Variants in LHFPL3 observed in about 807,000 individuals in gnomAD.
The protein encoded by LHFPL3 is LHFPL tetraspan subfamily member 3, also known as LHFPL tetraspan subfamily member 3 protein.
In LHFPL3, 5 loss-of-function variants were observed where a neutral mutation model predicts 19.3. The ratio of observed to expected loss-of-function variants is 0.26; its 90% CI spans 0.14 to 0.54. The LOEUF (loss-of-function observed/expected upper bound fraction) is 0.54. Among genes scored for constraint, LHFPL3 ranks in the 20% least tolerant of loss-of-function variants. The pLI is 0.94. For synonymous variants in LHFPL3, 133 were observed against 126.2 expected, an observed-to-expected ratio of 1.05 and a Z score of -0.36; for missense variants, 249 against 307.4, an observed-to-expected ratio of 0.81 and a Z score of 1.42.
intron 2 of LHFPL3, among the ~76,000 whole-genome samples, chr7:104,833,264 A>C (rs1429721963): frequency 2.7e-5 from 2 of 75,318 alleles, no homozygotes; most frequent in African/African-American, 5.8e-5. Context: ...CAGAACTAAT[A>C]GGATATATAT....
chr7:104,726,460 G>C (rs544361753), intron 1 of LHFPL3, among the ~76,000 whole-genome samples: 17 of 152,140 alleles, frequency 1.1e-4, no homozygotes, highest in Non-Finnish European at 1.9e-4. Flanking sequence ...GCATGCATGA[G>C]CTATTTTTCC....
chr7:104,346,221 A>G (rs1265661364), intron 1 of LHFPL3, among the ~76,000 whole-genome samples: 1 of 151,610 alleles, frequency 6.6e-6, no homozygotes, highest in Non-Finnish European at 1.5e-5. Context: ...TTTTTAGTAG[A>G]GATGGGGTTT....
At chr7:104,885,182 G>T (rs1256357993) in intron 2 of LHFPL3, among the ~76,000 whole-genome samples, 1 of 152,178 alleles carries the variant, frequency 6.6e-6, no homozygotes. Flanking sequence ...ATATGAAGCT[G>T]CCCAGTTCAT....
intron 2 of LHFPL3, among the ~76,000 whole-genome samples, chr7:104,821,235 G>A (rs191281443): frequency 6.6e-6 from 1 of 152,198 alleles, no homozygotes; most frequent in Non-Finnish European, 1.5e-5. Flanking sequence ...GCGAGGACAT[G>A]GGTGGGCTGC....
At chr7:104,499,401 T>A (rs1793553631) in intron 1 of LHFPL3, among the ~76,000 whole-genome samples, 1 of 152,254 alleles carries the variant, frequency 6.6e-6, no homozygotes, top group South Asian at 2.1e-4. Flanking sequence ...TACATTTTTG[T>A]TAGCATTTGC....
chr7:104,905,036 A>T (rs1321273236), intron 2 of LHFPL3, among the ~76,000 whole-genome samples: 3 of 151,938 alleles, frequency 2.0e-5, no homozygotes, highest in African/African-American at 7.3e-5. Flanking sequence ...GCTCACCACA[A>T]CCTCGACCTC....
intron 1 of LHFPL3, among the ~76,000 whole-genome samples, chr7:104,571,655 T>C (rs904713452): frequency 6.6e-6 from 1 of 152,238 alleles, no homozygotes; most frequent in African/African-American, 2.4e-5. Flanking sequence ...TTCCCTGTTA[T>C]GTTCACTGAT....
Position 104,516,428 on chromosome 7 carries a change from CT to C in LHFPL3, c.445+187206del, listed in dbSNP as rs560300365. 1.2e-3 allele frequency among the ~76,000 whole-genome samples: 177 copies of C among 152,148 alleles called. 1 individual carries two copies. Among genetic ancestry groups the C allele is most frequent in the African/African-American group, 4.0e-3 (166 of 41,526 alleles). Reference sequence around the variant, plus strand: ...TCAACAAATTTCCATTTTTTAAGATCTTCTAAAGGAGAGCACAAATCATTAA... The same window carrying C: ...TCAACAAATTTCCATTTTTTAAGATCTCTAAAGGAGAGCACAAATCATTAA... On this transcript the variant is annotated intron_variant, in intron 1 of 2. Coordinates refer to ENST00000424859, the MANE Select transcript of LHFPL3 (RefSeq NM_199000.3).
At chr7:104,340,302 G>A (rs1789921599) in intron 1 of LHFPL3, among the ~76,000 whole-genome samples, 1 of 151,984 alleles carries the variant, frequency 6.6e-6, no homozygotes, top group Admixed American at 6.6e-5. Context: ...AACCATCAAG[G>A]ATAGAGTGAA....
intron 2 of LHFPL3, among the ~76,000 whole-genome samples, chr7:104,808,049 C>T (rs920456537): frequency 3.9e-5 from 6 of 152,188 alleles, no homozygotes; most frequent in East Asian, 1.9e-4. Flanking sequence ...TGGCATGATA[C>T]GTTCACATTA....
At chr7:104,483,156 A>G (rs1793168855) in intron 1 of LHFPL3, among the ~76,000 whole-genome samples, 1 of 152,232 alleles carries the variant, frequency 6.6e-6, no homozygotes. Context: ...TGGAAGTTCT[A>G]GGATCATTCC....
chr7:104,572,253 T>C (rs996003993), intron 1 of LHFPL3, among the ~76,000 whole-genome samples: 1 of 151,686 alleles, frequency 6.6e-6, no homozygotes, highest in Non-Finnish European at 1.5e-5. Flanking sequence ...ACCAACCTAA[T>C]ATATTTTGTT....
intron 1 of LHFPL3, among the ~76,000 whole-genome samples, chr7:104,349,686 C>T (rs774413845): frequency 2.9e-4 from 44 of 152,252 alleles, no homozygotes; most frequent in Non-Finnish European, 5.6e-4. Flanking sequence ...CAAACCTGCA[C>T]GTTCTGCACA....
At chr7:104,771,732 A>G (rs532626323) in intron 2 of LHFPL3, among the ~76,000 whole-genome samples, 6 of 151,434 alleles carry the variant, frequency 4.0e-5, no homozygotes, top group Admixed American at 6.7e-5. Flanking sequence ...CAGTGAAAAT[A>G]AGAGACTGTA....
At chr7:104,747,572 T>G (rs146180313) in intron 2 of LHFPL3, among the ~76,000 whole-genome samples, 39 of 152,322 alleles carry the variant, frequency 2.6e-4, no homozygotes, top group African/African-American at 8.9e-4. Flanking sequence ...AAAAGCCAAG[T>G]GTCAAGCAAA....
At chr7:104,687,118 C>T (rs1354733287) in intron 1 of LHFPL3, among the ~76,000 whole-genome samples, 1 of 152,180 alleles carries the variant, frequency 6.6e-6, no homozygotes, top group East Asian at 1.9e-4. Context: ...TCAGGGGTTC[C>T]CAAAACCCCT....
intron 1 of LHFPL3, among the ~76,000 whole-genome samples, chr7:104,678,239 G>A (rs1180918341): frequency 6.6e-6 from 1 of 152,088 alleles, no homozygotes; most frequent in East Asian, 1.9e-4. Flanking sequence ...GTGTATAATT[G>A]AAGAACTTTT....
chr7:104,572,618 C>A (rs1214060334), intron 1 of LHFPL3, among the ~76,000 whole-genome samples: 1 of 152,062 alleles, frequency 6.6e-6, no homozygotes, highest in East Asian at 1.9e-4. Context: ...TGTTGTATAT[C>A]TGCTTGATGA....
At chr7:104,820,290 C>T (rs1179548415) in intron 2 of LHFPL3, among the ~76,000 whole-genome samples, 1 of 152,098 alleles carries the variant, frequency 6.6e-6, no homozygotes, top group South Asian at 2.1e-4. Context: ...TAATAAAGTA[C>T]CATGGCTCCA....
Sources: gnomAD v4.1 joint callset for allele counts (sites outside exome capture counted in the v4.1 genomes callset) on GRCh38, gnomAD v4.1.1 for gene constraint, MANE v1.5 for transcripts, NCBI Gene and HGNC (gene_info 2026-07-23, HGNC 2026-07-21) for gene names.